Variants in CIMAP3 observed in about 807,000 individuals in gnomAD.
CIMAP3 encodes the protein ciliary microtubule associated protein 3.
chr1:111,343,382 G>A, the CIMAP3 span, among the ~76,000 whole-genome samples: 1 of 152,178 alleles, frequency 6.6e-6, no homozygotes, highest in African/African-American at 2.4e-5. Context: ...ACAGTCAAGT[G>A]AGAAAAGCCA....
At chr1:111,331,609 A>T in the CIMAP3 span, among the ~76,000 whole-genome samples, 1 of 151,740 alleles carries the variant, frequency 6.6e-6, no homozygotes, top group Non-Finnish European at 1.5e-5. Flanking sequence ...TCCTTATTTC[A>T]TTGAATTTTC....
the CIMAP3 span, chr1:111,348,404 T>C: frequency 8.6e-7 from 1 of 1,159,550 alleles, no homozygotes. Flanking sequence ...GGCTGAACCA[T>C]AGCTGATTTA....
the CIMAP3 span, chr1:111,347,673 G>C: frequency 3.2e-6 from 5 of 1,560,174 alleles, no homozygotes; most frequent in African/African-American, 1.4e-5. Flanking sequence ...ACCACCCAAA[G>C]GGATATGGCT....
the CIMAP3 span, chr1:111,347,632 T>TTTTTGGTG: frequency 1.7e-6 from 2 of 1,199,732 alleles, no homozygotes; most frequent in Non-Finnish European, 2.4e-6. Context: ...CTTTTTTTTT[T>TTTTTGGTG]TTTTTGGTGT....
At chr1:111,324,904 G>A in the CIMAP3 span, 1 of 974,112 alleles carries the variant, frequency 1.0e-6, no homozygotes. Flanking sequence ...TCATGTTCTT[G>A]GACTCTAGTA....
the CIMAP3 span, among the ~76,000 whole-genome samples, chr1:111,327,399 C>A: frequency 4.6e-5 from 7 of 151,990 alleles, no homozygotes; most frequent in African/African-American, 1.7e-4. Flanking sequence ...CCCTCCTCCT[C>A]AATTTTTTGG....
the CIMAP3 span, among the ~76,000 whole-genome samples, chr1:111,332,637 G>T: frequency 6.6e-6 from 1 of 152,198 alleles, no homozygotes; most frequent in Non-Finnish European, 1.5e-5. Flanking sequence ...GGTCTACTTG[G>T]CTGGTCTGGA....
At chr1:111,346,593 G>C in the CIMAP3 span, 7 of 1,608,458 alleles carry the variant, frequency 4.4e-6, no homozygotes, top group South Asian at 1.1e-5. Flanking sequence ...TGGGAATCAC[G>C]GGACTAGCCT....
the CIMAP3 span, chr1:111,349,885 G>A: frequency 4.1e-6 from 2 of 489,440 alleles, no homozygotes; most frequent in Non-Finnish European, 7.4e-6. Context: ...GTCGATCTGT[G>A]CTCTAACTGG....
At chr1:111,334,651 G>A in the CIMAP3 span, among the ~76,000 whole-genome samples, 1 of 152,042 alleles carries the variant, frequency 6.6e-6, no homozygotes, top group Admixed American at 6.6e-5. Context: ...AGATAACACA[G>A]AAAAGCAATT....
At chr1:111,351,998 C>T in the CIMAP3 span, 3 of 152,242 alleles carry the variant, frequency 2.0e-5, no homozygotes, top group Non-Finnish European at 1.5e-5. Flanking sequence ...TGGGCCTGGC[C>T]TGAAGTCAGA....
the CIMAP3 span, chr1:111,347,670 A>G: frequency 1.3e-6 from 2 of 1,578,068 alleles, no homozygotes; most frequent in Non-Finnish European, 8.6e-7. Context: ...TATACCACCC[A>G]AAGGGATATG....
At chr1:111,333,784 G>C in the CIMAP3 span, among the ~76,000 whole-genome samples, 1 of 152,188 alleles carries the variant, frequency 6.6e-6, no homozygotes, top group Admixed American at 6.5e-5. Context: ...AATCTTAGCT[G>C]TTTATTTATT....
At chr1:111,329,376 TTTGACTGTTGGCC>T in the CIMAP3 span, among the ~76,000 whole-genome samples, 1 of 151,964 alleles carries the variant, frequency 6.6e-6, no homozygotes, top group Non-Finnish European at 1.5e-5. Flanking sequence ...ATTTCCTGAA[TTTGACTGTTGGCC>T]TCTCTAGCAT....
the CIMAP3 span, among the ~76,000 whole-genome samples, chr1:111,343,277 C>T: frequency 6.6e-6 from 1 of 151,982 alleles, no homozygotes; most frequent in African/African-American, 2.4e-5. Flanking sequence ...AAACATTATA[C>T]AAAAAATTGA....
At chr1:111,338,898 C>A in the CIMAP3 span, among the ~76,000 whole-genome samples, 8 of 152,182 alleles carry the variant, frequency 5.3e-5, no homozygotes, top group South Asian at 1.7e-3. Context: ...GGAGACACAA[C>A]CAAAAAAGAG....
chr1:111,339,140 G>C, the CIMAP3 span, among the ~76,000 whole-genome samples: 138 of 151,812 alleles, frequency 9.1e-4, no homozygotes, highest in African/African-American at 2.4e-3. Flanking sequence ...AAAGGCCTTT[G>C]ACAAAATTCA....
chr1:111,330,835 G>A, the CIMAP3 span, among the ~76,000 whole-genome samples: 4 of 152,250 alleles, frequency 2.6e-5, no homozygotes, highest in African/African-American at 9.6e-5. Flanking sequence ...CCAGGATGGA[G>A]GGTCTGTGCT....
At chr1:111,338,358 GA>G in the CIMAP3 span, among the ~76,000 whole-genome samples, 50 of 151,750 alleles carry the variant, frequency 3.3e-4, no homozygotes, top group Non-Finnish European at 6.0e-4. Flanking sequence ...GAGCAGAACT[GA>G]AGGAAATAGA....
Sources: allele counts gnomAD v4.1 joint callset (sites outside exome capture counted in the v4.1 genomes callset), GRCh38; gene constraint gnomAD v4.1.1; transcripts MANE v1.5; gene names NCBI Gene and HGNC (gene_info 2026-07-23, HGNC 2026-07-21).